FAT2: variants seen among roughly 807,000 people sequenced by gnomAD.
The protein encoded by FAT2 is FAT atypical cadherin 2.
FAT2 carries 150 observed loss-of-function variants against 295.3 expected under a neutral mutation model. That is an observed-to-expected ratio of 0.51 (90% CI 0.44 to 0.58). The LOEUF (loss-of-function observed/expected upper bound fraction) is 0.58, where lower values mean the gene tolerates loss of function less well. FAT2 is among the 20% of genes least tolerant of loss of function. The pLI is 0.00. For synonymous variants in FAT2, 2,026 were observed against 2,150.3 expected (o/e 0.94, Z 1.60); for missense variants, 4,868 against 5,442.7 (o/e 0.89, Z 3.32).
chr5:151,556,443 T>G, intron 3 of FAT2, 41 bp from the exon 4 acceptor site: 1 of 1,451,958 alleles, frequency 6.9e-7, no homozygotes, highest in Non-Finnish European at 9.6e-7. Flanking sequence ...AGCAGAAGAC[T>G]TTCAGGGCCA....
chr5:151,545,743 T>A lies in FAT2; in HGVS notation c.5384A>T (p.Glu1795Val). Residue 1795 changes from glutamate to valine, a missense_variant, in exon 10 of 24, where the codon GAA (glutamate) becomes GTA (valine). By Grantham distance (121) the Glu-to-Val change is moderately radical. Around this residue, in one of 5 missense-constraint regions of FAT2, gnomAD observed 3,297 missense variants for 3,669.4 expected, o/e 0.90. Transcript: ENST00000261800. ...TTTATAGACCAACAAGGAATTAGCT[T>A]CTTTGTCACTGTCAGAGGCATGAAT... ...FVIHASDSDK[E>V]ANSLLVYKIL... 6.2e-7 allele frequency: 1 copy of A among 1,614,066 alleles called. No individual in the cohort carries two copies. Among genetic ancestry groups the A allele is most frequent in the Non-Finnish European group, 8.5e-7 (1 of 1,180,020 alleles).
rs181128957 is a variant in FAT2, at chr5:151,528,616, T to C, written c.10027-483A>G. The stretch of plus-strand genomic sequence containing the variant: ...AGAGTGTGGAAGTGCAGACGATGTT[T>C]TGGGGAAAGGTAGATATTCCTGTGT... On this transcript the variant is annotated intron_variant, in intron 15 of 23. Transcript: ENST00000261800. Among the ~76,000 whole-genome samples, 241 of 152,118 alleles carry C rather than the reference T, an allele frequency of 1.6e-3. 1 individual carries two copies. The highest frequency in any genetic ancestry group is 5.4e-3 in the African/African-American group (225 of 41,492).
intron 20 of FAT2, among the ~76,000 whole-genome samples, chr5:151,517,023 G>T (rs756317873): frequency 6.6e-6 from 1 of 151,568 alleles, no homozygotes; most frequent in Non-Finnish European, 1.5e-5. Context: ...CAGGAGAATC[G>T]CTTGAACCTG....
Position 151,517,655 on chromosome 5 carries a change from G to A in FAT2, c.11428C>T (p.Leu3810=), listed in dbSNP as rs1476843500. 1 of 1,614,054 alleles carries A rather than the reference G, an allele frequency of 6.2e-7. No individual in the cohort carries two copies. Among genetic ancestry groups the A allele is most frequent in the Non-Finnish European group, 8.5e-7 (1 of 1,180,040 alleles). Residue 3810 remains leucine, a synonymous_variant, in exon 20 of 24, where the codon CTA becomes TTA. Transcript: ENST00000261800. ...ACGGACGCTGTTTCATTGGTGAATA[G>A]AAGAATGGCCTGTGGCTGGAGTGTT... The part of the protein sequence containing the change: ...LKTLQPQAIL[L]FTNETASVSL...
At position 151,542,052 on chromosome 5, in the gene FAT2, A is replaced by G. The variant is rs78961138; in HGVS notation, c.8842+233T>C. ...CATACTTTTTGCAAAGCACTTTCTA[A>G]TGTATAGGTGCTTTCTAGAAATTAC... On this transcript the variant is annotated intron_variant, in intron 10 of 23. Transcript: ENST00000261800. Among the ~76,000 whole-genome samples the G allele has an allele frequency of 3.2e-3, 490 of 152,308 alleles. 4 individuals are homozygous for G. The highest frequency in any genetic ancestry group is 0.017 in the East Asian group (89 of 5,180).
At chr5:151,582,320 C>A (rs530835790) in intron 1 of FAT2, among the ~76,000 whole-genome samples, 1 of 152,344 alleles carries the variant, frequency 6.6e-6, no homozygotes, top group African/African-American at 2.4e-5. Flanking sequence ...TCCACCCAGC[C>A]ATCAGCAGAC....
rs529078665 is a variant in FAT2 at position 151,591,254 on chromosome 5, G to C, written c.-110C>G. Among the ~76,000 whole-genome samples, 4 of 152,364 alleles carry C rather than the reference G, an allele frequency of 2.6e-5. No individual in the cohort carries two copies. In the South Asian group the frequency reaches 8.3e-4, roughly 32 times the overall value. ...GGGCCAGGCTGACAGGCTCCTGAGG[G>C]AGGTGCAGAGACTCGGAGCAGGAAG... On this transcript the variant is annotated 5_prime_UTR_variant, in exon 1 of 24. Coordinates refer to ENST00000261800, the MANE Select transcript of FAT2 (RefSeq NM_001447.3).
chr5:151,527,454 T>A, intron 16 of FAT2, 77 bp from the exon 17 acceptor site: 1 of 1,394,116 alleles, frequency 7.2e-7, no homozygotes, highest in South Asian at 1.6e-5. Flanking sequence ...ATCACTAATA[T>A]TTTCAAAAAA....
intron 1 of FAT2, among the ~76,000 whole-genome samples, chr5:151,588,154 G>T (rs1759250660): frequency 6.6e-6 from 1 of 152,008 alleles, no homozygotes; most frequent in Non-Finnish European, 1.5e-5. Flanking sequence ...TGTGTGTGTT[G>T]GTGCATGTTG....
At chr5:151,587,709 G>C (rs886282830) in intron 1 of FAT2, among the ~76,000 whole-genome samples, 3 of 151,820 alleles carry the variant, frequency 2.0e-5, no homozygotes, top group Non-Finnish European at 4.4e-5. Context: ...GAGTCTTTGG[G>C]GGCCTGACAC....
Position 151,567,051 on chromosome 5 carries a change from A to G in FAT2, c.1881T>C (p.Asn627=). ...GVISLKRPFI[N]LTAGQPTSYS... is the part of the protein sequence containing the mutation. ...AACTGGTGGGTTGACCAGCAGTAAG[A>G]TTGATAAAAGGGCGTTTGAGGGATA... The change falls in exon 2 of 24, where the codon AAT becomes AAC. Residue 627 remains asparagine, a synonymous_variant. Coordinates refer to ENST00000261800, the MANE Select transcript of FAT2 (RefSeq NM_001447.3). 6.2e-7 allele frequency: 1 copy of G among 1,614,132 alleles called. No homozygotes were observed.
chr5:151,593,277 C>T (rs776720776), upstream of FAT2, among the ~76,000 whole-genome samples: 1 of 152,224 alleles, frequency 6.6e-6, no homozygotes, highest in Non-Finnish European at 1.5e-5. Flanking sequence ...TGATTAGTCA[C>T]GTGCAGAGTA....
intron 1 of FAT2, among the ~76,000 whole-genome samples, chr5:151,584,594 T>C (rs376029262): frequency 1.3e-5 from 2 of 152,196 alleles, no homozygotes; most frequent in African/African-American, 4.8e-5. Flanking sequence ...CTGCCCAGTA[T>C]AATAGTAACG....
rs774273184 is a variant in FAT2, at chr5:151,565,911, G to A, written c.3021C>T (p.Pro1007=). The change falls in exon 2 of 24, where the codon CCC becomes CCT. Residue 1007 remains proline, a synonymous_variant. Coordinates refer to ENST00000261800, the MANE Select transcript of FAT2 (RefSeq NM_001447.3). ...CATGGCAGAGAGTCCTGCGGGCTAG[G>A]GGCCTCCCACCATCACTGGCCCACA... ...LSLWASDGGR[P]LARRTLCHVE... 6 of 1,613,930 alleles carry A rather than the reference G, an allele frequency of 3.7e-6. No individual in the cohort carries two copies. Among genetic ancestry groups the A allele is most frequent in the Non-Finnish European group, 5.1e-6 (6 of 1,180,000 alleles).
In FAT2 at chr5:151,568,620, T is replaced by G. The variant is rs532055826; in HGVS notation, c.312A>C (p.Thr104=). The G allele has an allele frequency of 6.2e-7, 1 of 1,614,146 alleles. No individual in the cohort carries two copies. Among genetic ancestry groups the G allele is most frequent in the African/African-American group, 1.3e-5 (1 of 75,030 alleles). Residue 104 remains threonine, a synonymous_variant, in exon 2 of 24, where the codon ACA becomes ACC. Transcript: ENST00000261800. ...FLRIRTKSSN[T]ALLNREVRDS... ...CTCGCACCTCTCTGTTCAGAAGAGC[T>G]GTGTTGCTGCTCTTTGTCCTTATTC...
At chr5:151,530,156 T>C (rs1032321017) in intron 14 of FAT2, among the ~76,000 whole-genome samples, 1 of 151,858 alleles carries the variant, frequency 6.6e-6, no homozygotes, top group Non-Finnish European at 1.5e-5. Flanking sequence ...GATGAAGAAG[T>C]CTATAATGGC....
upstream of FAT2, among the ~76,000 whole-genome samples, chr5:151,593,538 G>A (rs892547202): frequency 1.3e-5 from 2 of 152,132 alleles, no homozygotes; most frequent in African/African-American, 4.8e-5. Context: ...ATGCACCAGG[G>A]AAATTGACTC....
chr5:151,541,151 T>G (rs1045257211), intron 10 of FAT2, among the ~76,000 whole-genome samples: 5 of 152,180 alleles, frequency 3.3e-5, no homozygotes, highest in Non-Finnish European at 5.9e-5. Context: ...CACTAAACAC[T>G]CCAAGGTTTT....
chr5:151,587,330 C>CA (rs935482984), intron 1 of FAT2, among the ~76,000 whole-genome samples: 7 of 151,878 alleles, frequency 4.6e-5, no homozygotes, highest in African/African-American at 1.7e-4. Context: ...CTGACACATA[C>CA]AAAAAAGAGG....
Sources: allele counts gnomAD v4.1 joint callset (sites outside exome capture counted in the v4.1 genomes callset), GRCh38; gene constraint gnomAD v4.1.1; regional missense constraint gnomAD v4.1.1; transcripts MANE v1.5; gene names NCBI Gene and HGNC (gene_info 2026-07-23, HGNC 2026-07-21).